ARSG: variants seen among roughly 807,000 people sequenced by gnomAD.
The protein encoded by ARSG is arylsulfatase G, also known as ASG.
ARSG carries 37 observed loss-of-function variants against 50.5 expected under a neutral mutation model. That is an observed-to-expected ratio of 0.73 (90% CI 0.56 to 0.96). The LOEUF (loss-of-function observed/expected upper bound fraction) is 0.96, where lower values mean the gene tolerates loss of function less well. Among genes scored for constraint, ARSG ranks in the 50% least tolerant of loss-of-function variants. ARSG has a pLI of 0.00. For missense variants in ARSG, 629 were observed against 675.3 expected, an observed-to-expected ratio of 0.93 and a Z score of 0.76; for synonymous variants, 225 against 254.6, an observed-to-expected ratio of 0.88 and a Z score of 1.11.
At chr17:68,332,065 G>A (rs897401621) in intron 2 of ARSG, among the ~76,000 whole-genome samples, 1 of 152,220 alleles carries the variant, frequency 6.6e-6, no homozygotes, top group Non-Finnish European at 1.5e-5. Context: ...AATTTATTAG[G>A]TGGGAATTTC....
rs1469980496 is a variant in ARSG, at chr17:68,272,916, C to T, written c.-552+13490C>T. 6 of 911,264 alleles carry T rather than the reference C, an allele frequency of 6.6e-6. No homozygotes were observed. In the African/African-American group the frequency reaches 6.9e-5, roughly 10 times the overall value. The allele number at this position is 911,264 out of a possible 1,614,324, so 56.4% of individuals were successfully genotyped here. On this transcript the variant is annotated intron_variant, in intron 1 of 11. Transcript: ENST00000448504. Reference sequence around the variant, plus strand: ...TTCATTCTGGACAAAGGTGATGTTGCAAAGAAAAATGGGTTTCATTAACGG... The same window carrying T: ...TTCATTCTGGACAAAGGTGATGTTGTAAAGAAAAATGGGTTTCATTAACGG...
chr17:68,357,661 A>G (rs1331352540), intron 6 of ARSG, among the ~76,000 whole-genome samples: 1 of 152,196 alleles, frequency 6.6e-6, no homozygotes, highest in Non-Finnish European at 1.5e-5. Context: ...TCCCGCATCT[A>G]GAAGGCACAG....
chr17:68,308,199 G>A (rs1371067801), intron 2 of ARSG, among the ~76,000 whole-genome samples: 1 of 152,172 alleles, frequency 6.6e-6, no homozygotes, highest in Non-Finnish European at 1.5e-5. Flanking sequence ...TCAGCTACTC[G>A]GGAGGCTGAA....
Position 68,396,770 on chromosome 17 carries a change from G to A in ARSG, c.1212+1577G>A, listed in dbSNP as rs80204451. Among the ~76,000 whole-genome samples the A allele has an allele frequency of 2.0e-5, 3 of 152,064 alleles. No homozygotes were observed. The South Asian group carries it at 6.2e-4, about 31-fold the overall frequency. On this transcript the variant is annotated intron_variant, in intron 10 of 11. Transcript: ENST00000621439. ...CTGTGCACATTAATGCAGTTTTTAG[G>A]GGTTGTTGGATGAAGCCTGAGAGGT...
intron 2 of ARSG, among the ~76,000 whole-genome samples, chr17:68,343,293 A>C (rs1367312924): frequency 1.3e-5 from 2 of 152,082 alleles, no homozygotes; most frequent in African/African-American, 4.8e-5. Flanking sequence ...AGTAGCCGGG[A>C]CTACAGGCGC....
chr17:68,276,659 G>T (rs539145317), intron 1 of ARSG, among the ~76,000 whole-genome samples: 2 of 152,172 alleles, frequency 1.3e-5, no homozygotes, highest in East Asian at 3.9e-4. Context: ...TTGCTATGTT[G>T]CCCAGGCTAG....
Position 68,378,614 on chromosome 17 carries a change from G to T in ARSG, c.983-6450G>T, listed in dbSNP as rs1240525417. On this transcript the variant is annotated intron_variant, in intron 8 of 11. Coordinates refer to ENST00000621439, the MANE Select transcript of ARSG (RefSeq NM_001267727.2). The surrounding 1 kb of genome is among the most constrained non-coding windows in gnomAD (Gnocchi z 4.4). ...CCTGCTGTCTCTGAGTCCACAGCCT[G>T]GTCCAGGAGGCCTGGCTCTCCCAGC... is the stretch of plus-strand genomic sequence containing the variant. Among the ~76,000 whole-genome samples, 1 of 149,752 alleles carries T rather than the reference G, an allele frequency of 6.7e-6. No homozygotes were observed. Among genetic ancestry groups the T allele is most frequent in the East Asian group, 2.1e-4 (1 of 4,716 alleles).
At chr17:68,287,905 T>C (rs782480877), upstream of ARSG, among the ~76,000 whole-genome samples, 13 of 151,962 alleles carry the variant, frequency 8.6e-5, no homozygotes, top group Non-Finnish European at 1.3e-4. Flanking sequence ...CTTCCTGGAC[T>C]CTTCTCCCTT....
intron 6 of ARSG, among the ~76,000 whole-genome samples, chr17:68,358,186 G>T (rs1056821606): frequency 1.3e-5 from 2 of 151,918 alleles, no homozygotes; most frequent in Non-Finnish European, 2.9e-5. Context: ...CTGGGTGACA[G>T]AGCGAGACCC....
chr17:68,323,678 C>T (rs1420567334), intron 2 of ARSG, among the ~76,000 whole-genome samples: 1 of 152,102 alleles, frequency 6.6e-6, no homozygotes, highest in Non-Finnish European at 1.5e-5. Context: ...TTCGGGTTTC[C>T]ACATATGAAT....
rs2075421782 is a variant in ARSG at position 68,273,823 on chromosome 17, A to G, written c.-552+14397A>G. ...AGACACTGTTAATGTTAAAGAAAAA[A>G]AGAAAGAGAAAGAAATATAGTTTGG... On this transcript the variant is annotated intron_variant, in intron 1 of 11. Transcript: ENST00000448504. 7 of 1,382,850 alleles carry G rather than the reference A, an allele frequency of 5.1e-6. No individual in the cohort carries two copies. The South Asian group carries it at 8.1e-5, about 16-fold the overall frequency. The allele number at this position is 1,382,850 out of a possible 1,614,324, so 85.7% of individuals were successfully genotyped here.
In ARSG at chr17:68,343,604, G is replaced by T. The variant is rs1289610176; in HGVS notation, c.219G>T (p.Arg73Ser). 2 of 1,606,444 alleles carry T rather than the reference G, an allele frequency of 1.2e-6. No individual in the cohort carries two copies. The highest frequency in any genetic ancestry group is 1.7e-6 in the Non-Finnish European group (2 of 1,175,228). The change falls in exon 3 of 12, where the codon AGG (arginine) becomes AGT (serine). Residue 73 changes from arginine (R) to serine (S), a missense_variant and splice_region_variant. By Grantham distance (110) the Arg-to-Ser change is moderately radical (BLOSUM62 -1). Coordinates refer to ENST00000621439, the MANE Select transcript of ARSG (RefSeq NM_001267727.2). ...CCTGACCACTGTCCTTTCCCTGCAG[G>T]TTTGTGGATTTCCATGCAGCTGCCT... Reference protein sequence around the residue: ...NLDKMASEGMRFVDFHAAAST... With the variant: ...NLDKMASEGMSFVDFHAAAST...
At chr17:68,420,110 A>C (rs1232966525) in intron 11 of ARSG, 79 bp from the exon 12 acceptor site, 31 of 1,498,912 alleles carry the variant, frequency 2.1e-5, no homozygotes, top group Non-Finnish European at 2.7e-5. Flanking sequence ...ATTAATGTAG[A>C]ATCACTCGCA....
chr17:68,427,095 C>G, downstream of ARSG: 1 of 1,533,962 alleles, frequency 6.5e-7, no homozygotes. Flanking sequence ...AGGGAGGTCA[C>G]TGTTGGAGAT....
Position 68,367,149 on chromosome 17 carries a change from A to G in ARSG, c.705-1399A>G, listed in dbSNP as rs1331418238. Among the ~76,000 whole-genome samples the G allele has an allele frequency of 6.6e-6, 1 of 152,232 alleles. No individual in the cohort carries two copies. The highest frequency in any genetic ancestry group is 1.5e-5 in the Non-Finnish European group (1 of 68,048). ...ACTTGTGGCTGCTGCCCTGAACAACACAACTCTAGCAATGTTGCAGAGAAA... is the reference window on the plus strand; with the variant it reads ...ACTTGTGGCTGCTGCCCTGAACAACGCAACTCTAGCAATGTTGCAGAGAAA... On this transcript the variant is annotated intron_variant, in intron 6 of 11. Coordinates refer to ENST00000621439, the MANE Select transcript of ARSG (RefSeq NM_001267727.2). This position sits in a 1 kb window ranked among gnomAD's most constrained non-coding sequence, Gnocchi z 4.5.
chr17:68,369,864 G>A (rs2079737636), intron 7 of ARSG, among the ~76,000 whole-genome samples: 1 of 152,168 alleles, frequency 6.6e-6, no homozygotes, highest in African/African-American at 2.4e-5. Context: ...AAAGAGGAAG[G>A]AAGAGGAGGA....
At chr17:68,280,608 C>T (rs2075663468) in intron 1 of ARSG, among the ~76,000 whole-genome samples, 1 of 152,148 alleles carries the variant, frequency 6.6e-6, no homozygotes, top group Admixed American at 6.5e-5. Flanking sequence ...AACTAAATCC[C>T]CACCTTTCAC....
At chr17:68,276,219 G>A (rs550446354) in intron 1 of ARSG, among the ~76,000 whole-genome samples, 4 of 151,446 alleles carry the variant, frequency 2.6e-5, no homozygotes, top group Non-Finnish European at 5.9e-5. Context: ...TCAGCCTTCC[G>A]AGTAGCTGGG....
chr17:68,321,815 A>G (rs2077295152), intron 2 of ARSG, among the ~76,000 whole-genome samples: 1 of 152,178 alleles, frequency 6.6e-6, no homozygotes, highest in African/African-American at 2.4e-5. Flanking sequence ...TTGCTTTACA[A>G]TGTATTTTCA....
Sources: gnomAD v4.1 joint callset for allele counts (sites outside exome capture counted in the v4.1 genomes callset) on GRCh38, gnomAD v4.1.1 for gene constraint, Gnocchi (gnomAD v3.1) non-coding constraint, MANE v1.5 for transcripts, NCBI Gene and HGNC (gene_info 2026-07-23, HGNC 2026-07-21) for gene names.